FHIT: variants seen among roughly 807,000 people sequenced by gnomAD.
FHIT encodes the protein fragile histidine triad diadenosine triphosphatase, also known as bis(5'-adenosyl)-triphosphatase.
In FHIT, 19 loss-of-function variants were observed where a neutral mutation model predicts 17.9. The observed-to-expected ratio is 1.06, with a 90% CI of 0.74 to 1.56. The LOEUF is 1.56. Among genes scored for constraint, FHIT ranks in the 40% most tolerant of loss-of-function variants. The pLI is 0.00. For synonymous variants in FHIT, 81 were observed against 69.7 expected, an observed-to-expected ratio of 1.16 and a Z score of -0.81; for missense variants, 248 against 189.2, an observed-to-expected ratio of 1.31 and a Z score of -1.82.
chr3:60,753,910 C>T (rs1459610051), intron 4 of FHIT, among the ~76,000 whole-genome samples: 2 of 151,144 alleles, frequency 1.3e-5, no homozygotes, highest in African/African-American at 4.9e-5. Flanking sequence ...GGCCTGTGAA[C>T]AGGATAAATA....
chr3:60,269,000 A>T (rs1449873497), intron 5 of FHIT, among the ~76,000 whole-genome samples: 1 of 152,144 alleles, frequency 6.6e-6, no homozygotes, highest in Non-Finnish European at 1.5e-5. Flanking sequence ...AAAGTCAAAG[A>T]AACAGGTTCT....
At chr3:60,623,839 A>T (rs1015413312) in intron 4 of FHIT, among the ~76,000 whole-genome samples, 1 of 152,170 alleles carries the variant, frequency 6.6e-6, no homozygotes, top group East Asian at 1.9e-4. Context: ...TTGCCTGAAG[A>T]AGCCAGTTGG....
intron 4 of FHIT, among the ~76,000 whole-genome samples, chr3:60,772,336 A>C (rs782611106): frequency 0.34 from 24,607 of 72,396 alleles, 3,352 homozygotes; most frequent in African/African-American, 0.56. Context: ...ATATATATAT[A>C]TATATATATA....
chr3:60,255,540 G>A (rs1705945504), intron 5 of FHIT, among the ~76,000 whole-genome samples: 1 of 152,068 alleles, frequency 6.6e-6, no homozygotes, highest in African/African-American at 2.4e-5. Context: ...CTGCTTTCAG[G>A]AATGGAATGA....
chr3:59,802,951 G>A (rs563600), intron 8 of FHIT, among the ~76,000 whole-genome samples: 25,184 of 151,986 alleles, frequency 0.17, 2,463 homozygotes, highest in African/African-American at 0.26. Flanking sequence ...TAGTGATACG[G>A]GTATACATCT....
chr3:60,372,387 T>C (rs3732552), intron 5 of FHIT, among the ~76,000 whole-genome samples: 100,785 of 152,050 alleles, frequency 0.66, 33,574 homozygotes, highest in African/African-American at 0.72. Context: ...AATCTGATTG[T>C]GGCACATCCA....
chr3:60,412,744 A>T (rs1702108298), intron 5 of FHIT, among the ~76,000 whole-genome samples: 1 of 152,206 alleles, frequency 6.6e-6, no homozygotes. Context: ...CTCATTTTGA[A>T]TTGTAATTTC....
chr3:60,143,747 A>G (rs1277436162), intron 5 of FHIT, among the ~76,000 whole-genome samples: 1 of 152,118 alleles, frequency 6.6e-6, no homozygotes, highest in Non-Finnish European at 1.5e-5. Context: ...TGATTTCTAA[A>G]CTTATTAACC....
chr3:60,222,191 TTC>T (rs1380966885), intron 5 of FHIT, among the ~76,000 whole-genome samples: 1 of 152,030 alleles, frequency 6.6e-6, no homozygotes, highest in Non-Finnish European at 1.5e-5. Context: ...CAGGAAATCA[TTC>T]TCTCTTATTT....
intron 3 of FHIT, chr3:60,856,414 C>T (rs1388255592): frequency 1.3e-5 from 2 of 152,088 alleles, no homozygotes; most frequent in Non-Finnish European, 2.9e-5. Context: ...TCCTCTTCCT[C>T]TTAATCTCCC....
intron 8 of FHIT, among the ~76,000 whole-genome samples, chr3:59,884,337 G>T (rs1185502055): frequency 6.6e-6 from 1 of 151,954 alleles, no homozygotes; most frequent in Non-Finnish European, 1.5e-5. Flanking sequence ...GAGGGTATGT[G>T]GATATATGTT....
chr3:60,163,744 G>A (rs966253223), intron 5 of FHIT, among the ~76,000 whole-genome samples: 2 of 152,178 alleles, frequency 1.3e-5, no homozygotes, highest in Non-Finnish European at 1.5e-5. Context: ...GGAAAGTTTA[G>A]CAGCATTCAC....
chr3:60,747,162 T>A (rs536006479), intron 4 of FHIT, among the ~76,000 whole-genome samples: 20 of 152,076 alleles, frequency 1.3e-4, no homozygotes, highest in African/African-American at 4.8e-4. Flanking sequence ...CCCCTCTGTG[T>A]ATGTGAGTAT....
At chr3:60,820,677 G>C (rs879985313) in intron 4 of FHIT, among the ~76,000 whole-genome samples, 2 of 152,302 alleles carry the variant, frequency 1.3e-5, no homozygotes, top group East Asian at 3.9e-4. Flanking sequence ...AGGATAAGCT[G>C]GCTGACATTG....
chr3:60,557,998 T>A (rs1048262790), intron 4 of FHIT, among the ~76,000 whole-genome samples: 3 of 152,180 alleles, frequency 2.0e-5, no homozygotes. Flanking sequence ...TAGAATTTTT[T>A]AAAAAACGCT....
intron 8 of FHIT, among the ~76,000 whole-genome samples, chr3:59,764,821 T>G (rs1206202549): frequency 1.5e-5 from 2 of 134,868 alleles, no homozygotes; most frequent in African/African-American, 5.2e-5. Flanking sequence ...TTGACCATTC[T>G]CCAGAAGTCA....
intron 7 of FHIT, among the ~76,000 whole-genome samples, chr3:59,928,994 CAAAA>C (rs56107626): frequency 2.6e-3 from 86 of 33,136 alleles, no homozygotes; most frequent in African/African-American, 0.01. Flanking sequence ...GACTTCATCT[CAAAA>C]AAAAAAAAAA....
chr3:60,807,665 C>G (rs1701444481), intron 4 of FHIT, among the ~76,000 whole-genome samples: 1 of 152,204 alleles, frequency 6.6e-6, no homozygotes, highest in Non-Finnish European at 1.5e-5. Flanking sequence ...CCACTCCTGA[C>G]TGATCATTGC....
chr3:60,706,783 A>G (rs2041383837), intron 4 of FHIT, among the ~76,000 whole-genome samples: 1 of 152,236 alleles, frequency 6.6e-6, no homozygotes, highest in Non-Finnish European at 1.5e-5. Context: ...TTCATCATTC[A>G]AAAGATTTTA....
Sources: allele counts gnomAD v4.1 joint callset (sites outside exome capture counted in the v4.1 genomes callset), GRCh38; gene constraint gnomAD v4.1.1; transcripts MANE v1.5; gene names NCBI Gene and HGNC (gene_info 2026-07-23, HGNC 2026-07-21).